The following PPM1E variants were observed in gnomAD, a reference collection of about 807,000 sequenced individuals.
The protein encoded by PPM1E is protein phosphatase 1E.
In PPM1E, 20 loss-of-function variants were observed where a neutral mutation model predicts 65.9. That is an observed-to-expected ratio of 0.30 (90% CI 0.21 to 0.44). The LOEUF (loss-of-function observed/expected upper bound fraction) is 0.44. Ranked by LOEUF, PPM1E falls within the 20% of genes least tolerant of loss-of-function variation. PPM1E has a pLI of 1.00. For synonymous variants in PPM1E, 352 were observed against 374.9 expected (o/e 0.94, Z 0.70); for missense variants, 713 against 953.1 (o/e 0.75, Z 3.32).
chr17:58,914,802 G>A (rs752249611), intron 1 of PPM1E, among the ~76,000 whole-genome samples: 9 of 152,144 alleles, frequency 5.9e-5, no homozygotes, highest in Non-Finnish European at 1.3e-4. Context: ...ATTTTCCATA[G>A]ACTAAACTCA....
chr17:58,966,418 T>TAAAAAA (rs55779609), intron 3 of PPM1E: 4 of 122,462 alleles, frequency 3.3e-5, no homozygotes, highest in Admixed American at 1.1e-4. Flanking sequence ...AGCAGTTTTG[T>TAAAAAA]AAAAAAAAAA....
chr17:58,966,450 A>G, intron 3 of PPM1E: 1 of 269,440 alleles, frequency 3.7e-6, no homozygotes, highest in Non-Finnish European at 7.0e-6. Flanking sequence ...AACCCAAACT[A>G]TTTCTATAGT....
At chr17:58,957,579 A>G (rs1439869544) in intron 2 of PPM1E, among the ~76,000 whole-genome samples, 1 of 152,182 alleles carries the variant, frequency 6.6e-6, no homozygotes, top group Admixed American at 6.6e-5. Context: ...ACCACAGAGA[A>G]TCTCTATGGG....
rs568395485 is a variant in PPM1E at position 58,847,946 on chromosome 17, T to C, written c.464+91485T>C. On this transcript the variant is annotated intron_variant, in intron 1 of 6. Transcript: ENST00000308249. ...TTTGTTTGTGTCCTCTCTTATTTCA[T>C]TGAGCAGTGGTTTGTAGTTCTCCTT... Among the ~76,000 whole-genome samples, 18 of 152,346 alleles carry C rather than the reference T, an allele frequency of 1.2e-4. No individual in the cohort carries two copies. The East Asian group carries it at 3.5e-3, about 29-fold the overall frequency.
At chr17:58,829,865 G>T (rs998318798) in intron 1 of PPM1E, among the ~76,000 whole-genome samples, 5 of 152,222 alleles carry the variant, frequency 3.3e-5, no homozygotes, top group Non-Finnish European at 7.4e-5. Flanking sequence ...CCACTTGATT[G>T]TTAGCCTAGT....
chr17:58,966,935 G>T (rs1399853981), intron 3 of PPM1E, among the ~76,000 whole-genome samples: 1 of 152,138 alleles, frequency 6.6e-6, no homozygotes, highest in African/African-American at 2.4e-5. Flanking sequence ...TGATGTCTTT[G>T]TTTCTAGTAC....
chr17:58,909,964 G>A (rs2051607108), intron 1 of PPM1E, among the ~76,000 whole-genome samples: 1 of 113,702 alleles, frequency 8.8e-6, no homozygotes, highest in Non-Finnish European at 1.7e-5. Flanking sequence ...GTGCAGTGGT[G>A]CTATCTTGGC....
intron 1 of PPM1E, among the ~76,000 whole-genome samples, chr17:58,789,938 G>A (rs377564043): frequency 2.7e-4 from 41 of 152,116 alleles, no homozygotes; most frequent in East Asian, 1.4e-3. Context: ...TTTCTTGAAG[G>A]CAGGCACTAT....
At chr17:58,799,442 C>CA (rs2050238143) in intron 1 of PPM1E, among the ~76,000 whole-genome samples, 1 of 149,680 alleles carries the variant, frequency 6.7e-6, no homozygotes, top group African/African-American at 2.5e-5. Flanking sequence ...CCACCACACT[C>CA]AGTTACTTTT....
chr17:58,871,135 A>G (rs2051064529), intron 1 of PPM1E, among the ~76,000 whole-genome samples: 1 of 152,072 alleles, frequency 6.6e-6, no homozygotes, highest in Non-Finnish European at 1.5e-5. Context: ...CCTGGTCTCA[A>G]GTGATCCTCC....
intron 6 of PPM1E, among the ~76,000 whole-genome samples, chr17:58,973,321 G>A (rs1423348822): frequency 2.0e-5 from 3 of 151,894 alleles, no homozygotes; most frequent in Non-Finnish European, 2.9e-5. Context: ...GGAGGCTGAG[G>A]CAGGAATATT....
At chr17:58,840,023 A>G (rs747002247) in intron 1 of PPM1E, among the ~76,000 whole-genome samples, 1 of 152,234 alleles carries the variant, frequency 6.6e-6, no homozygotes, top group Non-Finnish European at 1.5e-5. Context: ...GAAAGCTGCT[A>G]TATTTACAGT....
At chr17:58,792,743 C>CTTTT (rs780992600) in intron 1 of PPM1E, among the ~76,000 whole-genome samples, 1,118 of 76,346 alleles carry the variant, frequency 0.015, 283 homozygotes, top group African/African-American at 0.053. Flanking sequence ...GAATTTTACT[C>CTTTT]TTTTTTTTTT....
chr17:58,812,325 A>G lies in PPM1E; in HGVS notation c.464+55864A>G, dbSNP rs535611618. On this transcript the variant is annotated intron_variant, in intron 1 of 6. Transcript: ENST00000308249. ...TTTCAAAAAAAAAAAAAAAAAAAAA[A>G]AAAAGAATAGGGAGTTCTAATATAG... is the stretch of plus-strand genomic sequence containing the variant. 5.3e-5 allele frequency among the ~76,000 whole-genome samples: 8 copies of G among 150,586 alleles called. 1 individual carries two copies. In the South Asian group the frequency reaches 1.5e-3, roughly 28 times the overall value.
At position 58,983,303 on chromosome 17, in the gene PPM1E, ATT is replaced by A. The variant is rs2031489555; in HGVS notation, c.*2274_*2275del. 1 of 170,584 alleles carries A rather than the reference ATT, an allele frequency of 5.9e-6. No individual in the cohort carries two copies. Among genetic ancestry groups the A allele is most frequent in the African/African-American group, 2.4e-5 (1 of 41,976 alleles). The allele number at this position is 170,584 out of a possible 1,614,324, so 10.6% of individuals were successfully genotyped here. ...CTATTCATTTGTTCACAACATGCGTATTTATAGAGTAGTTAGGTACCATTTGT... is the reference window on the plus strand; with the variant it reads ...CTATTCATTTGTTCACAACATGCGTATATAGAGTAGTTAGGTACCATTTGT... On this transcript the variant is annotated 3_prime_UTR_variant, in exon 7 of 7. Coordinates refer to ENST00000308249, the MANE Select transcript of PPM1E (RefSeq NM_014906.5).
At chr17:58,945,428 C>A (rs113482563) in intron 1 of PPM1E, among the ~76,000 whole-genome samples, 2,309 of 152,316 alleles carry the variant, frequency 0.015, 55 homozygotes, top group African/African-American at 0.052. Flanking sequence ...CAGGCGTGAG[C>A]CACCTTGCCC....
intron 2 of PPM1E, among the ~76,000 whole-genome samples, chr17:58,962,109 AC>A (rs894992458): frequency 2.0e-5 from 3 of 151,950 alleles, no homozygotes; most frequent in African/African-American, 7.3e-5. Context: ...ACATGGAGAA[AC>A]CCCGTCTCTA....
At chr17:58,811,428 G>T (rs1157284163) in intron 1 of PPM1E, among the ~76,000 whole-genome samples, 1 of 152,060 alleles carries the variant, frequency 6.6e-6, no homozygotes, top group Non-Finnish European at 1.5e-5. Flanking sequence ...TTGCACTATT[G>T]TCTCAAAAGT....
chr17:58,976,130 G>C (rs1174655771), intron 6 of PPM1E, among the ~76,000 whole-genome samples: 1 of 152,146 alleles, frequency 6.6e-6, no homozygotes, highest in Non-Finnish European at 1.5e-5. Context: ...TTAGATTTGA[G>C]CATGTTTGTA....
Sources: gnomAD v4.1 joint callset for allele counts (sites outside exome capture counted in the v4.1 genomes callset) on GRCh38, gnomAD v4.1.1 for gene constraint, MANE v1.5 for transcripts, NCBI Gene and HGNC (gene_info 2026-07-23, HGNC 2026-07-21) for gene names.